The following RHOXF1 variants were observed in gnomAD, a reference collection of about 807,000 sequenced individuals.
The protein encoded by RHOXF1 is Rhox homeobox family member 1.
In RHOXF1, 1 loss-of-function variant was observed where a neutral mutation model predicts 9.7. The ratio of observed to expected loss-of-function variants is 0.10; its 90% CI spans 0.04 to 0.49. RHOXF1 has a LOEUF of 0.49. RHOXF1 is among the 20% of genes least tolerant of loss of function. RHOXF1 has a pLI of 0.95. For synonymous variants in RHOXF1, 72 were observed against 70.2 expected, an observed-to-expected ratio of 1.03 and a Z score of -0.13; for missense variants, 179 against 168.0, an observed-to-expected ratio of 1.07 and a Z score of -0.36.
intron 2 of RHOXF1, among the ~76,000 whole-genome samples, chrX:120,111,890 T>C (rs1312198176): frequency 1.8e-5 from 2 of 112,239 alleles, no homozygotes; most frequent in African/African-American, 6.5e-5. Flanking sequence ...TGCTTCATTC[T>C]TTAGACAATT....
At position 120,110,503 on chromosome X, in the gene RHOXF1, C is replaced by T. The variant is rs782774181; in HGVS notation, c.445-1201G>A. 1.7e-4 allele frequency among the ~76,000 whole-genome samples: 19 copies of T among 111,416 alleles called. No homozygotes were observed. In the South Asian group the frequency reaches 5.0e-3, roughly 29 times the overall value. The stretch of plus-strand genomic sequence containing the variant: ...GGATCCTGGACTGGAGGTGCTGTAG[C>T]CCAGTAAGGCAGGGCCCCCTAGGCC... On this transcript the variant is annotated intron_variant, in intron 2 of 2. Transcript: ENST00000217999.
chrX:120,114,053 G>A (rs1417148698), intron 1 of RHOXF1, among the ~76,000 whole-genome samples: 1 of 109,589 alleles, frequency 9.1e-6, no homozygotes, highest in South Asian at 4.0e-4. Context: ...AGCTGAAATC[G>A]CACTGCTGCA....
chrX:120,116,692 A>G (rs1257248140), upstream of RHOXF1, among the ~76,000 whole-genome samples: 1 of 110,934 alleles, frequency 9.0e-6, no homozygotes, highest in Non-Finnish European at 1.9e-5. Flanking sequence ...TGCTCTCTTC[A>G]GTGCTGGGAT....
intron 1 of RHOXF1, 25 bp downstream of exon 1, chrX:120,115,440 G>A (rs372027839): frequency 9.4e-6 from 10 of 1,064,784 alleles, no homozygotes; most frequent in Non-Finnish European, 1.1e-5. Context: ...TGGAGATCTC[G>A]TGGCTCCTGG....
rs782540587 is a variant in RHOXF1 at position 120,112,802 on chromosome X, CCTTCAATGCCCTGA to C, written c.444+53_444+66del. On this transcript the variant is annotated intron_variant, in intron 2 of 2. Transcript: ENST00000217999. Reference sequence around the variant, plus strand: ...AACGTTCAGGACAAAGCCTTCAAAGCCTTCAATGCCCTGAAGCAGGTTTTAGAATGGCTGTCCTC... The same window carrying C: ...AACGTTCAGGACAAAGCCTTCAAAGCAGCAGGTTTTAGAATGGCTGTCCTC... 4.1e-4 allele frequency: 298 copies of C among 724,929 alleles called. 2 individuals carry two copies. In the African/African-American group the frequency reaches 5.4e-3, roughly 13 times the overall value. The allele number at this position is 724,929 out of a possible 1,213,427, so 59.7% of individuals were successfully genotyped here. A position where few individuals can be genotyped will look rare whatever the true frequency, so the allele number is the denominator to read the frequency against.
At chrX:120,112,112 C>G (rs1218042587) in intron 2 of RHOXF1, among the ~76,000 whole-genome samples, 1 of 111,319 alleles carries the variant, frequency 9.0e-6, no homozygotes, top group Non-Finnish European at 1.9e-5. Flanking sequence ...CTCAGCTTAA[C>G]TAAGTATACA....
Position 120,109,298 on chromosome X carries a change from C to A in RHOXF1, c.449G>T (p.Trp150Leu). 8.8e-7 allele frequency: 1 copy of A among 1,136,264 alleles called. No homozygotes were observed. Among genetic ancestry groups the A allele is most frequent in the Non-Finnish European group, 1.2e-6 (1 of 831,041 alleles). 93.6% of individuals were successfully genotyped at this position (1,136,264 alleles called of 1,213,427 possible). A position where few individuals can be genotyped will look rare whatever the true frequency, so the allele number is the denominator to read the frequency against. Residue 150 changes from tryptophan (W) to leucine (L), a missense_variant, in exon 3 of 3, where the codon TGG (tryptophan) becomes TTG (leucine). Physicochemically the swap from Trp to Leu is moderately conservative, Grantham distance 61 (BLOSUM62 -2). Transcript: ENST00000217999. ...ACATCTGGCCCTTTTATTCTTAAAC[C>A]AAACCTACAATCAGAGGGAAAAGGG... ...LGVTEDKVRV[W>L]FKNKRARCRR...
intron 2 of RHOXF1, among the ~76,000 whole-genome samples, chrX:120,109,771 G>A (rs1380953077): frequency 1.8e-5 from 2 of 110,206 alleles, no homozygotes; most frequent in Non-Finnish European, 3.8e-5. Context: ...TTTCTGTAGA[G>A]ACAGGGTCTC....
Position 120,115,704 on chromosome X carries a change from A to G in RHOXF1, c.159T>C (p.Gly53=), listed in dbSNP as rs1556000471. The G allele has an allele frequency of 2.5e-6, 3 of 1,207,818 alleles. No homozygotes were observed. ...GLMGNMNPEG[G]VNHENGMNRD... ...GGTTCATGCCGTTCTCGTGGTTCAC[A>G]CCGCCCTCAGGGTTCATATTACCCA... Residue 53 remains glycine, a synonymous_variant, in exon 1 of 3, where the codon GGT becomes GGC. Transcript: ENST00000217999.
intron 2 of RHOXF1, among the ~76,000 whole-genome samples, chrX:120,112,509 T>A (rs5910766): frequency 0.6 from 38,410 of 63,703 alleles, 8,480 homozygotes; most frequent in Non-Finnish European, 0.68. Flanking sequence ...ATATATGTAT[T>A]ATATATAATA....
chrX:120,112,277 T>C (rs1555999846), intron 2 of RHOXF1, among the ~76,000 whole-genome samples: 1 of 109,097 alleles, frequency 9.2e-6, no homozygotes, highest in Non-Finnish European at 1.9e-5. Flanking sequence ...TTAACTTGAA[T>C]ACTTCTAAGG....
At chrX:120,118,281 T>C (rs1238603278), upstream of RHOXF1, among the ~76,000 whole-genome samples, 1 of 111,736 alleles carries the variant, frequency 8.9e-6, no homozygotes, top group African/African-American at 3.3e-5. Flanking sequence ...AGGTTGTAAG[T>C]TGAGGCAATC....
Position 120,115,670 on chromosome X carries a change from C to A in RHOXF1, c.193G>T (p.Gly65Cys), listed in dbSNP as rs782482911. ...NHENGMNRDG[G>C]MIPEGGGGNQ... ...CCACCGCCGCCCTCGGGGATCATGC[C>A]GCCATCGCGGTTCATGCCGTTCTCG... The change falls in exon 1 of 3, where the codon GGC becomes TGC. Residue 65 changes from glycine to cysteine, a missense_variant. Gly to Cys is a radical substitution (Grantham distance 159). Coordinates refer to ENST00000217999, the MANE Select transcript of RHOXF1 (RefSeq NM_139282.3). The A allele has an allele frequency of 1.6e-5, 19 of 1,198,880 alleles. No individual in the cohort carries two copies. The highest frequency in any genetic ancestry group is 2.1e-5 in the Non-Finnish European group (19 of 888,903).
At position 120,115,620 on chromosome X, in the gene RHOXF1, C is replaced by A; in HGVS notation, c.243G>T (p.Pro81=). Residue 81 remains proline, a synonymous_variant, in exon 1 of 3, where the codon CCG becomes CCT. Transcript: ENST00000217999. ...GGGNQEPRQQ[P]QPPPEEPAQA... ...GGGCCGGCTCCTCCGGCGGGGGCTG[C>A]GGCTGCTGCCGAGGCTCCTGGTTTC... The A allele has an allele frequency of 8.6e-7, 1 of 1,167,587 alleles. No homozygotes were observed. Among genetic ancestry groups the A allele is most frequent in the Non-Finnish European group, 1.1e-6 (1 of 873,385 alleles).
At chrX:120,119,409 G>T (rs1162957389), upstream of RHOXF1, 1 of 111,666 alleles carries the variant, frequency 9.0e-6, no homozygotes, top group African/African-American at 3.3e-5. Flanking sequence ...TTTTTGCTTA[G>T]GATGAGGGTT....
At chrX:120,110,769 T>C (rs186252869) in intron 2 of RHOXF1, among the ~76,000 whole-genome samples, 28 of 112,412 alleles carry the variant, frequency 2.5e-4, no homozygotes, top group African/African-American at 8.1e-4. Context: ...TTTCAAAAGT[T>C]CTCAAACTGC....
upstream of RHOXF1, among the ~76,000 whole-genome samples, chrX:120,116,773 C>T (rs782715491): frequency 1.9e-4 from 21 of 110,930 alleles, no homozygotes; most frequent in African/African-American, 6.2e-4. Flanking sequence ...TCTAACGCAC[C>T]CTTTGAGAAA....
At chrX:120,117,922 G>T (rs2057303523), upstream of RHOXF1, 1 of 111,546 alleles carries the variant, frequency 9.0e-6, no homozygotes. Flanking sequence ...CTATAAAATG[G>T]AGATAACAAC....
chrX:120,109,598 A>T (rs1385520029), intron 2 of RHOXF1, among the ~76,000 whole-genome samples: 6 of 106,889 alleles, frequency 5.6e-5, no homozygotes, highest in Admixed American at 4.1e-4. Context: ...TTATTTATTT[A>T]TTTTTTGAGA....
Sources: gnomAD v4.1 joint callset for allele counts (sites outside exome capture counted in the v4.1 genomes callset) on GRCh38, gnomAD v4.1.1 for gene constraint, MANE v1.5 for transcripts, NCBI Gene and HGNC (gene_info 2026-07-23, HGNC 2026-07-21) for gene names.